ACR: variants seen among roughly 807,000 people sequenced by gnomAD.
ACR encodes acrosin.
ACR carries 17 observed loss-of-function variants against 26.0 expected under a neutral mutation model. That is an observed-to-expected ratio of 0.65 (90% CI 0.45 to 0.98). The LOEUF (loss-of-function observed/expected upper bound fraction) is 0.98, where lower values mean the gene tolerates loss of function less well. ACR is among the 50% of genes least tolerant of loss of function. The pLI is 0.00. For missense variants in ACR, 435 were observed against 519.3 expected (o/e 0.84, Z 1.58); for synonymous variants, 199 against 207.7 (o/e 0.96, Z 0.36).
intron 3 of ACR, among the ~76,000 whole-genome samples, 170 bp from the exon 4 acceptor site, chr22:50,743,891 C>T (rs2083437666): frequency 6.6e-6 from 1 of 152,166 alleles, no homozygotes; most frequent in African/African-American, 2.4e-5. Flanking sequence ...CACCTCCTCC[C>T]ACCACCTCTA....
chr22:50,740,062 C>G, intron 3 of ACR, 85 bp downstream of exon 3: 2 of 1,559,958 alleles, frequency 1.3e-6, no homozygotes, highest in Non-Finnish European at 1.8e-6. Flanking sequence ...TTGTTGACAC[C>G]CAGCCAGGCT....
At chr22:50,741,941 C>T (rs1176017998) in intron 3 of ACR, among the ~76,000 whole-genome samples, 2 of 151,376 alleles carry the variant, frequency 1.3e-5, no homozygotes, top group Non-Finnish European at 2.9e-5. Flanking sequence ...TTGAGACCAG[C>T]CTGGCCAACA....
Position 50,739,578 on chromosome 22 carries a change from G to A in ACR, c.281+104G>A, listed in dbSNP as rs2083414999. 4 of 1,569,030 alleles carry A rather than the reference G, an allele frequency of 2.5e-6. No individual in the cohort carries two copies. The highest frequency in any genetic ancestry group is 4.5e-5 in the East Asian group (2 of 44,504). The stretch of plus-strand genomic sequence containing the variant: ...GCGTCTCCCTGGGGCTCTGGGCCAA[G>A]TGGCTGCAAGACTCCGGGGGCTGGT... On this transcript the variant is annotated intron_variant, in intron 2 of 4. Coordinates refer to ENST00000216139, the MANE Select transcript of ACR (RefSeq NM_001097.3). The surrounding 1 kb of genome is among the most constrained non-coding windows in gnomAD (Gnocchi z 5.5).
intron 3 of ACR, among the ~76,000 whole-genome samples, chr22:50,742,879 C>T (rs1911155561): frequency 6.6e-6 from 1 of 152,152 alleles, no homozygotes; most frequent in South Asian, 2.1e-4. Context: ...CAGATCCACC[C>T]CCAGGGTTGT....
chr22:50,741,276 C>G (rs1306341444), intron 3 of ACR, among the ~76,000 whole-genome samples: 1 of 152,124 alleles, frequency 6.6e-6, no homozygotes, highest in African/African-American at 2.4e-5. Context: ...GAGTCTCATC[C>G]CAGCTGTCCT....
chr22:50,741,413 TG>T lies in ACR; in HGVS notation c.565+1437del, dbSNP rs554811229. ...TCCAGCCCCCTAGCCTGCCATGCTCTGTCCCCTGTCTGATGATGTCCACAGC... is the reference window on the plus strand; with the variant it reads ...TCCAGCCCCCTAGCCTGCCATGCTCTTCCCCTGTCTGATGATGTCCACAGC... On this transcript the variant is annotated intron_variant, in intron 3 of 4. Transcript: ENST00000216139. Among the ~76,000 whole-genome samples, 18 of 152,130 alleles carry T rather than the reference TG, an allele frequency of 1.2e-4. 1 individual carries two copies. In the East Asian group the frequency reaches 3.5e-3, roughly 29 times the overall value.
Position 50,740,061 on chromosome 22 carries a change from C to A in ACR, c.565+84C>A, listed in dbSNP as rs868387332. On this transcript the variant is annotated intron_variant, in intron 3 of 4. Coordinates refer to ENST00000216139, the MANE Select transcript of ACR (RefSeq NM_001097.3). ...GAGGTGCAGCGGTCACTTGTTGACA[C>A]CCAGCCAGGCTGCTTTCATCCTCCT... The A allele has an allele frequency of 2.6e-6, 4 of 1,558,760 alleles. No homozygotes were observed. In the African/African-American group the frequency reaches 5.4e-5, roughly 21 times the overall value.
In ACR at chr22:50,739,947, G is replaced by C; in HGVS notation, c.535G>C (p.Val179Leu). 1 of 1,613,888 alleles carries C rather than the reference G, an allele frequency of 6.2e-7. No homozygotes were observed. Among genetic ancestry groups the C allele is most frequent in the Non-Finnish European group, 8.5e-7 (1 of 1,180,030 alleles). Residue 179 changes from valine to leucine, a missense_variant, in exon 3 of 5, where the codon GTG becomes CTG. Transcript: ENST00000216139. This position sits in a 1 kb window ranked among gnomAD's most constrained non-coding sequence, Gnocchi z 5.5. ...CCCCAGAGGCTCCCAGAGCTGCTGGGTGGCCGGCTGGGGATATATAGAAGA... is the reference window on the plus strand; with the variant it reads ...CCCCAGAGGCTCCCAGAGCTGCTGGCTGGCCGGCTGGGGATATATAGAAGA... ...GLPRGSQSCWVAGWGYIEEKA... is the reference protein window; with the variant it reads ...GLPRGSQSCWLAGWGYIEEKA...
intron 3 of ACR, chr22:50,740,948 C>T: frequency 2.0e-6 from 1 of 492,326 alleles, no homozygotes. Context: ...CAACAGGTGA[C>T]CCCATTAAAT....
chr22:50,738,954 C>T (rs538661253), intron 1 of ACR, among the ~76,000 whole-genome samples: 63 of 152,240 alleles, frequency 4.1e-4, no homozygotes, highest in African/African-American at 1.5e-3. Context: ...CCCCAGGCCC[C>T]GCATCCCCAC....
Position 50,739,364 on chromosome 22 carries a change from G to A in ACR, c.171G>A (p.Met57Ile). The stretch of plus-strand genomic sequence containing the variant: ...CACAGCATGGGGCCTGGCCCTGGAT[G>A]GTCAGCCTCCAGATCTTCACGTACA... ...KAAQHGAWPW[M>I]VSLQIFTYNS... The change falls in exon 2 of 5, where the codon ATG (methionine) becomes ATA (isoleucine). Residue 57 changes from methionine to isoleucine, a missense_variant. Met to Ile is a conservative substitution (Grantham distance 10). Around this residue, in one of 3 missense-constraint regions of ACR, gnomAD observed 314 missense variants for 372.0 expected, o/e 0.84. Coordinates refer to ENST00000216139, the MANE Select transcript of ACR (RefSeq NM_001097.3). This position sits in a 1 kb window ranked among gnomAD's most constrained non-coding sequence, Gnocchi z 5.5. The A allele has an allele frequency of 6.2e-7, 1 of 1,613,524 alleles. No homozygotes were observed.
rs759954390 is a variant in ACR at position 50,744,808 on chromosome 22, T to A, written c.867T>A (p.Ile289=). Residue 289 remains isoleucine (I), a synonymous_variant, in exon 5 of 5, where the codon ATT becomes ATA. Coordinates refer to ENST00000216139, the MANE Select transcript of ACR (RefSeq NM_001097.3). ...WPYLNWIASK[I]GSNALRMIQS... is the part of the protein sequence containing the mutation. ...ATCTGAACTGGATCGCCTCCAAGAT[T>A]GGTTCTAACGCTTTGCGTATGATTC... is the stretch of plus-strand genomic sequence containing the variant. The A allele has an allele frequency of 1.2e-6, 2 of 1,608,840 alleles. No homozygotes were observed. Among genetic ancestry groups the A allele is most frequent in the South Asian group, 2.2e-5 (2 of 90,374 alleles).
chr22:50,743,136 C>G (rs1415271338), intron 3 of ACR, among the ~76,000 whole-genome samples: 2 of 150,672 alleles, frequency 1.3e-5, no homozygotes, highest in African/African-American at 2.4e-5. Context: ...CCCGGGTTCA[C>G]GCCATTCTCC....
At chr22:50,740,867 C>T (rs577036924) in intron 3 of ACR, 13 of 604,902 alleles carry the variant, frequency 2.1e-5, no homozygotes, top group East Asian at 1.4e-4. Context: ...TTACTGACTC[C>T]GTGGTCAGAG....
At chr22:50,738,594 C>T (rs77216309) in intron 1 of ACR, among the ~76,000 whole-genome samples, 3,574 of 151,744 alleles carry the variant, frequency 0.024, 191 homozygotes, top group Admixed American at 0.1. Flanking sequence ...CCCTTATCCC[C>T]CCACAGACAG....
intron 3 of ACR, among the ~76,000 whole-genome samples, chr22:50,741,527 G>A (rs1235909574): frequency 7.9e-5 from 12 of 151,788 alleles, no homozygotes; most frequent in Non-Finnish European, 1.6e-4. Flanking sequence ...CAGACAGATT[G>A]TAGTGTCCTA....
At position 50,744,723 on chromosome 22, in the gene ACR, G is replaced by A; in HGVS notation, c.782G>A (p.Ser261Asn). The change falls in exon 5 of 5, where the codon AGC becomes AAC. Residue 261 changes from serine to asparagine, a missense_variant. Coordinates refer to ENST00000216139, the MANE Select transcript of ACR (RefSeq NM_001097.3). ...ESAYVVVGIT[S>N]WGVGCARAKR... ...GCCTATGTGGTCGTGGGAATCACAAGCTGGGGGGTAGGCTGTGCCCGTGCC... is the reference window on the plus strand; with the variant it reads ...GCCTATGTGGTCGTGGGAATCACAAACTGGGGGGTAGGCTGTGCCCGTGCC... 1.2e-6 allele frequency: 2 copies of A among 1,613,412 alleles called. No homozygotes were observed. The highest frequency in any genetic ancestry group is 1.1e-5 in the South Asian group (1 of 91,046).
intron 3 of ACR, among the ~76,000 whole-genome samples, chr22:50,742,412 C>G (rs1233711718): frequency 1.4e-5 from 2 of 147,754 alleles, no homozygotes; most frequent in Non-Finnish European, 3.0e-5. Context: ...GGCATGGTGG[C>G]GGGCGCCTGT....
chr22:50,740,093 G>C, intron 3 of ACR, 116 bp downstream of exon 3: 1 of 1,309,520 alleles, frequency 7.6e-7, no homozygotes, highest in Non-Finnish European at 1.1e-6. Flanking sequence ...TCCTCACGGC[G>C]CTACACGTAG....
Sources: allele counts gnomAD v4.1 joint callset (sites outside exome capture counted in the v4.1 genomes callset), GRCh38; gene constraint gnomAD v4.1.1; regional missense constraint gnomAD v4.1.1; non-coding constraint Gnocchi (gnomAD v3.1); transcripts MANE v1.5; gene names NCBI Gene and HGNC (gene_info 2026-07-23, HGNC 2026-07-21).